Variants in FGD4 observed in about 807,000 individuals in gnomAD.
FGD4 encodes FYVE, RhoGEF and PH domain-containing protein 4.
In FGD4, 42 loss-of-function variants were observed where a neutral mutation model predicts 102.0. The ratio of observed to expected loss-of-function variants is 0.41; its 90% CI spans 0.32 to 0.53. The LOEUF (loss-of-function observed/expected upper bound fraction) is 0.53, where lower values mean the gene tolerates loss of function less well. FGD4 is among the 20% of genes least tolerant of loss of function. FGD4 has a pLI of 0.21. For synonymous variants in FGD4, 380 were observed against 375.7 expected (o/e 1.01, Z -0.13); for missense variants, 902 against 1,078.2 (o/e 0.84, Z 2.29).
In FGD4 at chr12:32,624,259, G is replaced by A. The variant is rs186006518; in HGVS notation, c.1923-163G>A. On this transcript the variant is annotated intron_variant, in intron 11 of 16. Transcript: ENST00000534526. ...GATAGTCTGAACCTCTACTTAAGAAGAATTTTATTTGTTTAATTGCCAGAG... is the reference window on the plus strand; with the variant it reads ...GATAGTCTGAACCTCTACTTAAGAAAAATTTTATTTGTTTAATTGCCAGAG... Among the ~76,000 whole-genome samples, 891 of 152,214 alleles carry A rather than the reference G, an allele frequency of 5.9e-3. 3 individuals carry two copies. Among genetic ancestry groups the A allele is most frequent in the Non-Finnish European group, 9.5e-3 (644 of 67,974 alleles).
chr12:32,590,118 G>A lies in FGD4; in HGVS notation c.1011+7651G>A, dbSNP rs565326797. On this transcript the variant is annotated intron_variant, in intron 4 of 16. Coordinates refer to ENST00000534526, the MANE Select transcript of FGD4 (RefSeq NM_001370298.3). The stretch of plus-strand genomic sequence containing the variant: ...AGGTCAGGAGTTCTAGACCAGCCTG[G>A]CCAACATGGTGAAACCTCGTCTCTA... 9.2e-5 allele frequency among the ~76,000 whole-genome samples: 14 copies of A among 152,114 alleles called. No homozygotes were observed. In the East Asian group the frequency reaches 2.7e-3, roughly 29 times the overall value.
chr12:32,493,215 G>T (rs569388428), intron 1 of FGD4, among the ~76,000 whole-genome samples: 7 of 152,180 alleles, frequency 4.6e-5, no homozygotes, highest in African/African-American at 1.4e-4. Flanking sequence ...CAGAAAAAAG[G>T]GTTTTTGTTT....
rs1455228218 is a variant in FGD4 at position 32,636,076 on chromosome 12, G to T, written c.2313+2387G>T. Among the ~76,000 whole-genome samples the T allele has an allele frequency of 4.6e-5, 7 of 151,158 alleles. No homozygotes were observed. The East Asian group carries it at 9.7e-4, about 21-fold the overall frequency. On this transcript the variant is annotated intron_variant, in intron 15 of 16. Coordinates refer to ENST00000534526, the MANE Select transcript of FGD4 (RefSeq NM_001370298.3). ...ACTAATAAGAATGGAATTCTTTGGGGGAGGATAACCATTCACTTAATTGGA... is the reference window on the plus strand; with the variant it reads ...ACTAATAAGAATGGAATTCTTTGGGTGAGGATAACCATTCACTTAATTGGA...
At chr12:32,473,593 G>T (rs1425879723) in intron 1 of FGD4, among the ~76,000 whole-genome samples, 22 of 152,196 alleles carry the variant, frequency 1.4e-4, no homozygotes, top group African/African-American at 4.8e-4. Context: ...AACACTCACC[G>T]CGAGGGTCTG....
chr12:32,513,364 A>C (rs1939578052), intron 1 of FGD4, among the ~76,000 whole-genome samples: 1 of 152,206 alleles, frequency 6.6e-6, no homozygotes, highest in South Asian at 2.1e-4. Flanking sequence ...TGGAATCTGT[A>C]AGATAAATGG....
intron 7 of FGD4, among the ~76,000 whole-genome samples, chr12:32,603,723 A>G (rs1414496499): frequency 6.7e-6 from 1 of 149,082 alleles, no homozygotes; most frequent in Non-Finnish European, 1.5e-5. Flanking sequence ...TTTTTTAGAG[A>G]CAGGGTCTTG....
intron 1 of FGD4, among the ~76,000 whole-genome samples, chr12:32,498,343 A>G (rs1352585625): frequency 6.6e-6 from 1 of 152,142 alleles, no homozygotes; most frequent in African/African-American, 2.4e-5. Context: ...TGATAGAGGC[A>G]TATTTTTGCA....
chr12:32,476,244 T>C (rs1824798167), intron 1 of FGD4, among the ~76,000 whole-genome samples: 1 of 152,244 alleles, frequency 6.6e-6, no homozygotes, highest in South Asian at 2.1e-4. Flanking sequence ...GTTTTTGTTA[T>C]AGCAGAGCCT....
intron 1 of FGD4, among the ~76,000 whole-genome samples, chr12:32,561,537 G>A (rs147272983): frequency 1.9e-3 from 284 of 152,144 alleles, no homozygotes; most frequent in Non-Finnish European, 2.6e-3. Flanking sequence ...TTCTCTTTGA[G>A]ATATTTGGAT....
chr12:32,585,052 C>T (rs529861832), intron 4 of FGD4, among the ~76,000 whole-genome samples: 2 of 151,612 alleles, frequency 1.3e-5, no homozygotes, highest in South Asian at 4.2e-4. Context: ...AAAACCCCAT[C>T]TCTACTAAAA....
intron 1 of FGD4, among the ~76,000 whole-genome samples, chr12:32,559,224 G>T (rs1398814899): frequency 6.6e-6 from 1 of 152,120 alleles, no homozygotes; most frequent in Non-Finnish European, 1.5e-5. Flanking sequence ...CAAACAAAAA[G>T]TTTCAGTTTT....
chr12:32,636,578 T>C (rs1037949757), intron 15 of FGD4, among the ~76,000 whole-genome samples: 1 of 152,176 alleles, frequency 6.6e-6, no homozygotes, highest in African/African-American at 2.4e-5. Context: ...AGTTTTTTTT[T>C]CCTGAACTAT....
intron 1 of FGD4, among the ~76,000 whole-genome samples, chr12:32,556,539 A>G (rs1944132877): frequency 6.6e-6 from 1 of 152,102 alleles, no homozygotes; most frequent in African/African-American, 2.4e-5. Flanking sequence ...TATGTCCTCA[A>G]GATTCATCCA....
intron 1 of FGD4, among the ~76,000 whole-genome samples, chr12:32,401,545 G>A (rs972190616): frequency 3.3e-5 from 5 of 152,092 alleles, no homozygotes; most frequent in African/African-American, 7.2e-5. Flanking sequence ...ACAGATGTGA[G>A]CCACCACATC....
At chr12:32,467,965 G>A (rs113032661) in intron 1 of FGD4, among the ~76,000 whole-genome samples, 60,842 of 151,998 alleles carry the variant, frequency 0.4, 13,193 homozygotes, top group African/African-American at 0.58. Context: ...GCAGTGAGCC[G>A]AAATCACGCC....
chr12:32,574,179 C>G (rs1301027477), intron 2 of FGD4, among the ~76,000 whole-genome samples: 1 of 152,192 alleles, frequency 6.6e-6, no homozygotes, highest in African/African-American at 2.4e-5. Flanking sequence ...TTTAGTTTTT[C>G]TCTCATCTGG....
chr12:32,495,644 C>T (rs962093539), intron 1 of FGD4, among the ~76,000 whole-genome samples: 15 of 149,220 alleles, frequency 1.0e-4, no homozygotes, highest in African/African-American at 2.5e-4. Flanking sequence ...TGCAGTGAGC[C>T]GAGATCGCAC....
intron 1 of FGD4, among the ~76,000 whole-genome samples, chr12:32,528,224 A>G (rs1292110121): frequency 6.6e-6 from 1 of 152,216 alleles, no homozygotes; most frequent in Non-Finnish European, 1.5e-5. Context: ...GGCGTGAGCC[A>G]CCGCACTGGG....
intron 1 of FGD4, among the ~76,000 whole-genome samples, chr12:32,402,634 A>C (rs1940736795): frequency 3.3e-5 from 5 of 151,334 alleles, no homozygotes; most frequent in African/African-American, 1.2e-4. Context: ...GAAAACCCAG[A>C]GCAGTTTTTT....
Sources: gnomAD v4.1 joint callset for allele counts (sites outside exome capture counted in the v4.1 genomes callset) on GRCh38, gnomAD v4.1.1 for gene constraint, MANE v1.5 for transcripts, NCBI Gene and HGNC (gene_info 2026-07-23, HGNC 2026-07-21) for gene names.